Variants in PTPRG observed in about 807,000 individuals in gnomAD.
PTPRG encodes the protein receptor-type tyrosine-protein phosphatase gamma.
PTPRG carries 102 observed loss-of-function variants against 165.3 expected under a neutral mutation model. The observed-to-expected ratio is 0.62, with a 90% CI of 0.53 to 0.73. PTPRG has a LOEUF of 0.73. Among genes scored for constraint, PTPRG ranks in the 30% least tolerant of loss-of-function variants. The pLI is 0.00. For synonymous variants in PTPRG, 675 were observed against 669.5 expected, an observed-to-expected ratio of 1.01 and a Z score of -0.13; for missense variants, 1,866 against 1,861.4, an observed-to-expected ratio of 1.00 and a Z score of -0.05.
chr3:61,734,070 C>G (rs2032626764), intron 1 of PTPRG, among the ~76,000 whole-genome samples: 1 of 152,206 alleles, frequency 6.6e-6, no homozygotes, highest in South Asian at 2.1e-4. Context: ...GCATGAGCCA[C>G]CACGCCCAGC....
At chr3:62,126,282 A>C (rs1559540002) in intron 5 of PTPRG, among the ~76,000 whole-genome samples, 1 of 152,180 alleles carries the variant, frequency 6.6e-6, no homozygotes. Flanking sequence ...GTTTAAGTAG[A>C]TCAAAAGCAC....
At chr3:61,887,401 T>C (rs2038081606) in intron 2 of PTPRG, among the ~76,000 whole-genome samples, 1 of 152,048 alleles carries the variant, frequency 6.6e-6, no homozygotes, top group South Asian at 2.1e-4. Context: ...CAGCAAAACT[T>C]TGAAGATTTT....
intron 1 of PTPRG, among the ~76,000 whole-genome samples, chr3:61,746,236 T>TTTTTTA (rs2033200672): frequency 1.1e-5 from 1 of 89,936 alleles, no homozygotes; most frequent in South Asian, 3.3e-4. Context: ...TTTTTTTTTT[T>TTTTTTA]GAGACAGAAT....
At chr3:61,936,247 C>T (rs562735114) in intron 2 of PTPRG, among the ~76,000 whole-genome samples, 1 of 152,212 alleles carries the variant, frequency 6.6e-6, no homozygotes, top group African/African-American at 2.4e-5. Flanking sequence ...AATTTTGTTA[C>T]AGCAGCACAG....
chr3:61,874,615 CCTT>C (rs1187365216), intron 2 of PTPRG, among the ~76,000 whole-genome samples: 1 of 152,024 alleles, frequency 6.6e-6, no homozygotes, highest in Non-Finnish European at 1.5e-5. Flanking sequence ...GAATGGGTCT[CCTT>C]CTCCCTGGAA....
chr3:62,100,252 A>G (rs533686644), intron 5 of PTPRG, among the ~76,000 whole-genome samples: 43 of 152,286 alleles, frequency 2.8e-4, no homozygotes, highest in East Asian at 2.7e-3. Flanking sequence ...AGAAGGGTCT[A>G]TGACCCAATT....
intron 5 of PTPRG, among the ~76,000 whole-genome samples, chr3:62,111,418 C>G (rs1222085777): frequency 6.6e-6 from 1 of 152,190 alleles, no homozygotes; most frequent in Non-Finnish European, 1.5e-5. Flanking sequence ...AATAAAGGCT[C>G]TCTGATAAAG....
chr3:62,082,361 C>T (rs1375391700), intron 5 of PTPRG, among the ~76,000 whole-genome samples: 1 of 152,186 alleles, frequency 6.6e-6, no homozygotes, highest in Non-Finnish European at 1.5e-5. Context: ...ACCTAGCAGA[C>T]ATCTGGTTGT....
At chr3:61,830,016 A>C (rs2107288397) in intron 2 of PTPRG, among the ~76,000 whole-genome samples, 1 of 152,312 alleles carries the variant, frequency 6.6e-6, no homozygotes, top group Admixed American at 6.5e-5. Flanking sequence ...AAGAGGAGAA[A>C]CCTTTGCATG....
At chr3:62,124,405 G>C (rs1345562347) in intron 5 of PTPRG, 1 of 1,613,818 alleles carries the variant, frequency 6.2e-7, no homozygotes, top group Non-Finnish European at 8.5e-7. Context: ...TGTAGTCGAT[G>C]ACGTGCTGCA....
Position 61,763,550 on chromosome 3 carries a change from C to T in PTPRG, c.190+14568C>T, listed in dbSNP as rs564770558. 3.4e-3 allele frequency among the ~76,000 whole-genome samples: 427 copies of T among 127,254 alleles called. 3 individuals carry two copies. Among genetic ancestry groups the T allele is most frequent in the African/African-American group, 0.012 (417 of 34,756 alleles). The allele number at this position is 127,254 out of a possible 152,430, so 83.5% of individuals were successfully genotyped here. A position where few individuals can be genotyped will look rare whatever the true frequency, so the allele number is the denominator to read the frequency against. On this transcript the variant is annotated intron_variant, in intron 2 of 29. Coordinates refer to ENST00000474889, the MANE Select transcript of PTPRG (RefSeq NM_002841.4). The stretch of plus-strand genomic sequence containing the variant: ...CCAGCTAATTTTTGTATTTCTCCTT[C>T]GTTAGAGATGGGGTTTCACCATGTT...
At chr3:61,835,597 G>A (rs1366661355) in intron 2 of PTPRG, among the ~76,000 whole-genome samples, 1 of 151,990 alleles carries the variant, frequency 6.6e-6, no homozygotes, top group Non-Finnish European at 1.5e-5. Flanking sequence ...CTCCCAAAGT[G>A]CTGGGATTAT....
At chr3:61,588,907 CCT>C (rs1559513996) in intron 1 of PTPRG, among the ~76,000 whole-genome samples, 2 of 152,144 alleles carry the variant, frequency 1.3e-5, no homozygotes, top group African/African-American at 2.4e-5. Context: ...GTTGTAGTCA[CCT>C]CTCTACAGGG....
rs1203041023 is a variant in PTPRG at position 62,074,645 on chromosome 3, A to G, written c.520-3518A>G. ...CATGAGCCACATTGCACCTGGCCCC[A>G]GATCTTTTCTTCAGCTTACGTACAC... On this transcript the variant is annotated intron_variant, in intron 4 of 29. Coordinates refer to ENST00000474889, the MANE Select transcript of PTPRG (RefSeq NM_002841.4). Among the ~76,000 whole-genome samples, 5 of 152,104 alleles carry G rather than the reference A, an allele frequency of 3.3e-5. No homozygotes were observed. In the East Asian group the frequency reaches 9.6e-4, roughly 29 times the overall value.
chr3:61,666,979 G>A (rs1389923870), intron 1 of PTPRG, among the ~76,000 whole-genome samples: 1 of 152,120 alleles, frequency 6.6e-6, no homozygotes, highest in Non-Finnish European at 1.5e-5. Context: ...ATTATGTAAT[G>A]GTAGTGTCTC....
intron 1 of PTPRG, among the ~76,000 whole-genome samples, chr3:61,722,857 G>C (rs1002859837): frequency 6.6e-6 from 1 of 152,112 alleles, no homozygotes; most frequent in Non-Finnish European, 1.5e-5. Flanking sequence ...TGTATTTTCT[G>C]TTCTTAAGAA....
chr3:62,023,158 C>A (rs74732334), intron 4 of PTPRG, among the ~76,000 whole-genome samples: 1 of 152,022 alleles, frequency 6.6e-6, no homozygotes, highest in Non-Finnish European at 1.5e-5. Context: ...TGCATATTAT[C>A]TTATGAGTTA....
At chr3:61,573,149 C>G (rs1044905173) in intron 1 of PTPRG, among the ~76,000 whole-genome samples, 4 of 152,108 alleles carry the variant, frequency 2.6e-5, no homozygotes, top group African/African-American at 9.7e-5. Context: ...TTTCTGTTAG[C>G]TTGTTCAGTT....
chr3:62,254,014 C>T lies in PTPRG; in HGVS notation c.2468-1110C>T, dbSNP rs747358008. 3.3e-5 allele frequency among the ~76,000 whole-genome samples: 5 copies of T among 152,174 alleles called. No homozygotes were observed. Among genetic ancestry groups the T allele is most frequent in the Admixed American group, 6.5e-5 (1 of 15,280 alleles). ...ATGTCAATAGATGCAAAAAGCCACC[C>T]TAGAGCTTTGCTCTCTCGAAAGAAA... is the stretch of plus-strand genomic sequence containing the variant. On this transcript the variant is annotated intron_variant, in intron 15 of 29. Coordinates refer to ENST00000474889, the MANE Select transcript of PTPRG (RefSeq NM_002841.4). This position sits in a 1 kb window ranked among gnomAD's most constrained non-coding sequence, Gnocchi z 4.6.
Sources: gnomAD v4.1 joint callset for allele counts (sites outside exome capture counted in the v4.1 genomes callset) on GRCh38, gnomAD v4.1.1 for gene constraint, Gnocchi (gnomAD v3.1) non-coding constraint, MANE v1.5 for transcripts, NCBI Gene and HGNC (gene_info 2026-07-23, HGNC 2026-07-21) for gene names.